Variants in ATP6V1C2 observed in about 807,000 individuals in gnomAD.
The protein encoded by ATP6V1C2 is V-type proton ATPase subunit C 2.
A neutral mutation model predicts 56.8 loss-of-function variants in ATP6V1C2; 45 were observed. The observed-to-expected ratio is 0.79, with a 90% CI of 0.62 to 1.02. The LOEUF (loss-of-function observed/expected upper bound fraction) is 1.02, where lower values mean the gene tolerates loss of function less well. Among genes scored for constraint, ATP6V1C2 ranks in the 50% least tolerant of loss-of-function variants. The pLI is 0.00. For synonymous variants in ATP6V1C2, 220 were observed against 201.3 expected, an observed-to-expected ratio of 1.09 and a Z score of -0.79; for missense variants, 463 against 519.7, an observed-to-expected ratio of 0.89 and a Z score of 1.06.
chr2:10,724,849 T>G (rs1252393780), intron 2 of ATP6V1C2, among the ~76,000 whole-genome samples: 1 of 152,052 alleles, frequency 6.6e-6, no homozygotes, highest in African/African-American at 2.4e-5. Context: ...GTTTTTGTAT[T>G]TTTAGTAGAG....
intron 3 of ATP6V1C2, among the ~76,000 whole-genome samples, chr2:10,749,919 AAAT>A (rs1322520569): frequency 2.6e-5 from 4 of 152,240 alleles, no homozygotes; most frequent in Non-Finnish European, 5.9e-5. Context: ...ACAGTACAGT[AAAT>A]GAAAGGAATG....
chr2:10,773,856 C>T (rs1233226365), intron 8 of ATP6V1C2, among the ~76,000 whole-genome samples: 2 of 152,176 alleles, frequency 1.3e-5, no homozygotes, highest in African/African-American at 4.8e-5. Flanking sequence ...TCTCCCAGGG[C>T]TACGAGATGG....
intron 2 of ATP6V1C2, among the ~76,000 whole-genome samples, chr2:10,724,173 T>C (rs761258896): frequency 6.6e-6 from 1 of 152,226 alleles, no homozygotes; most frequent in Admixed American, 6.5e-5. Flanking sequence ...GCACAGGTGC[T>C]GGTGAGATGG....
At chr2:10,755,843 C>T (rs1663522870) in intron 4 of ATP6V1C2, among the ~76,000 whole-genome samples, 1 of 152,232 alleles carries the variant, frequency 6.6e-6, no homozygotes. Flanking sequence ...TCCTGCAGTG[C>T]AGTCACGTTG....
chr2:10,746,888 A>C (rs564953896), intron 3 of ATP6V1C2, among the ~76,000 whole-genome samples: 2 of 152,272 alleles, frequency 1.3e-5, no homozygotes, highest in African/African-American at 4.8e-5. Context: ...TACTGACATA[A>C]TTTTTTAAGT....
intron 4 of ATP6V1C2, 37 bp downstream of exon 4, chr2:10,754,103 C>T (rs1353783563): frequency 1.3e-6 from 2 of 1,536,960 alleles, no homozygotes; most frequent in Non-Finnish European, 1.8e-6. Context: ...AGCACAATCT[C>T]CCCGCTCCCT....
chr2:10,748,370 A>G (rs920390299), intron 3 of ATP6V1C2, among the ~76,000 whole-genome samples: 1 of 152,206 alleles, frequency 6.6e-6, no homozygotes, highest in Non-Finnish European at 1.5e-5. Flanking sequence ...GGCACACAGC[A>G]TTGGTCTTTT....
intron 1 of ATP6V1C2, among the ~76,000 whole-genome samples, chr2:10,722,619 C>G (rs193217998): frequency 1.9e-3 from 290 of 152,294 alleles, no homozygotes; most frequent in Non-Finnish European, 3.1e-3. Context: ...CAGCCAGAAC[C>G]ACTGCAGGGA....
At chr2:10,757,326 T>C in intron 4 of ATP6V1C2, 1 of 396,078 alleles carries the variant, frequency 2.5e-6, no homozygotes, top group East Asian at 3.6e-5. Context: ...GGAGACTTTA[T>C]TTGGCTGTTT....
At chr2:10,726,824 G>A (rs1425748786) in intron 3 of ATP6V1C2, among the ~76,000 whole-genome samples, 3 of 152,148 alleles carry the variant, frequency 2.0e-5, no homozygotes, top group Non-Finnish European at 2.9e-5. Flanking sequence ...CATAGGTGCC[G>A]AGACACTTGG....
chr2:10,721,266 G>C (rs1661340662), upstream of ATP6V1C2, among the ~76,000 whole-genome samples: 1 of 152,190 alleles, frequency 6.6e-6, no homozygotes, highest in Non-Finnish European at 1.5e-5. Flanking sequence ...GCGAGAGTGG[G>C]TGGGCAAGCG....
intron 3 of ATP6V1C2, among the ~76,000 whole-genome samples, chr2:10,742,584 T>C (rs139569604): frequency 0.014 from 2,097 of 152,230 alleles, 49 homozygotes; most frequent in African/African-American, 0.047. Context: ...CCCATACCCC[T>C]GGACTGGAAG....
chr2:10,779,687 G>A (rs1272104798), intron 12 of ATP6V1C2, among the ~76,000 whole-genome samples: 1,241 of 51,164 alleles, frequency 0.024, 21 homozygotes, highest in Non-Finnish European at 0.027. Context: ...TCCGGCTATA[G>A]AAAAAAAAAA....
intron 4 of ATP6V1C2, among the ~76,000 whole-genome samples, chr2:10,756,943 T>C (rs114084340): frequency 6.6e-6 from 1 of 151,374 alleles, no homozygotes; most frequent in African/African-American, 2.4e-5. Context: ...ATAAGATTTA[T>C]ATCATTTGTT....
At chr2:10,747,701 C>G (rs1328301957) in intron 3 of ATP6V1C2, among the ~76,000 whole-genome samples, 1 of 142,888 alleles carries the variant, frequency 7.0e-6, no homozygotes, top group Non-Finnish European at 1.5e-5. Flanking sequence ...CTCTTTGAAA[C>G]AAAAAAAAAA....
intron 3 of ATP6V1C2, among the ~76,000 whole-genome samples, chr2:10,750,853 A>G (rs1663169065): frequency 6.6e-6 from 1 of 152,246 alleles, no homozygotes; most frequent in Non-Finnish European, 1.5e-5. Flanking sequence ...CCGAAAGAGC[A>G]GGGACTTTGT....
At chr2:10,771,317 C>T (rs950770682) in intron 6 of ATP6V1C2, among the ~76,000 whole-genome samples, 2 of 152,220 alleles carry the variant, frequency 1.3e-5, no homozygotes, top group South Asian at 2.1e-4. Context: ...TAATACCATA[C>T]CCTACACTCA....
intron 3 of ATP6V1C2, among the ~76,000 whole-genome samples, chr2:10,753,264 T>C (rs1195035502): frequency 6.6e-6 from 1 of 152,244 alleles, no homozygotes; most frequent in Non-Finnish European, 1.5e-5. Flanking sequence ...CTTGGTATTT[T>C]TCCAACATTA....
At chr2:10,723,034 G>A (rs972231695) in intron 2 of ATP6V1C2, 56 bp downstream of exon 2, 75 of 1,598,766 alleles carry the variant, frequency 4.7e-5, no homozygotes, top group Non-Finnish European at 6.1e-5. Flanking sequence ...GGAGACAGGA[G>A]AGGGAGACAG....
Sources: allele counts gnomAD v4.1 joint callset (sites outside exome capture counted in the v4.1 genomes callset), GRCh38; gene constraint gnomAD v4.1.1; transcripts MANE v1.5; gene names NCBI Gene and HGNC (gene_info 2026-07-23, HGNC 2026-07-21).